The following RPH3AL variants were observed in gnomAD, a reference collection of about 807,000 sequenced individuals.
The protein encoded by RPH3AL is rabphilin 3A like (without C2 domains).
In RPH3AL, 38 loss-of-function variants were observed where a neutral mutation model predicts 43.1. The observed-to-expected ratio is 0.88, with a 90% CI of 0.68 to 1.15. RPH3AL has a LOEUF of 1.15. Ranked by LOEUF, RPH3AL falls within the 50% of genes most tolerant of loss-of-function variation. RPH3AL has a pLI of 0.00. For missense variants in RPH3AL, 462 were observed against 423.2 expected, an observed-to-expected ratio of 1.09 and a Z score of -0.81; for synonymous variants, 189 against 176.3, an observed-to-expected ratio of 1.07 and a Z score of -0.57.
At chr17:346,566 A>T (rs2045240734) in intron 1 of RPH3AL, among the ~76,000 whole-genome samples, 1 of 134,216 alleles carries the variant, frequency 7.5e-6, no homozygotes, top group African/African-American at 2.6e-5. Context: ...ACCCGCCCCC[A>T]TGATTCAATG....
intron 6 of RPH3AL, among the ~76,000 whole-genome samples, chr17:248,188 C>A (rs1402339885): frequency 1.3e-5 from 2 of 152,196 alleles, no homozygotes; most frequent in Admixed American, 1.3e-4. Context: ...AGGACAACAC[C>A]CTGATTCCTC....
In RPH3AL at chr17:328,156, C is replaced by A. The variant is rs890872510; in HGVS notation, c.-36-577G>T. ...CACCCAGCACCATGCCAAGGGGAGC[C>A]GTCCATAGACACTGCCATGAAAATG... On this transcript the variant is annotated intron_variant, in intron 2 of 9. Coordinates refer to ENST00000331302, the MANE Select transcript of RPH3AL (RefSeq NM_006987.4). This position sits in a 1 kb window ranked among gnomAD's most constrained non-coding sequence, Gnocchi z 4.2. Among the ~76,000 whole-genome samples the A allele has an allele frequency of 6.6e-6, 1 of 151,976 alleles. No homozygotes were observed. The highest frequency in any genetic ancestry group is 6.6e-5 in the Admixed American group (1 of 15,254).
intron 3 of RPH3AL, chr17:321,674 G>GTGGCAGCAGAGATGGCC: frequency 4.2e-6 from 2 of 472,582 alleles, no homozygotes; most frequent in Non-Finnish European, 7.5e-6. Flanking sequence ...CAGAGACGGG[G>GTGGCAGCAGAGATGGCC]CAGGTGCTGT....
At chr17:219,547 T>A in intron 8 of RPH3AL, 76 bp downstream of exon 8, 3 of 451,210 alleles carry the variant, frequency 6.6e-6, no homozygotes, top group Non-Finnish European at 1.2e-5. Context: ...TTTTTTGAGA[T>A]GGAGTTTCGC....
chr17:327,864 G>C (rs993888021), intron 2 of RPH3AL, among the ~76,000 whole-genome samples: 1 of 152,202 alleles, frequency 6.6e-6, no homozygotes, highest in Non-Finnish European at 1.5e-5. Flanking sequence ...TCAGAAAGGA[G>C]AGAGGAGGCT....
At chr17:237,340 G>C (rs918988402) in intron 7 of RPH3AL, among the ~76,000 whole-genome samples, 2 of 152,166 alleles carry the variant, frequency 1.3e-5, no homozygotes, top group African/African-American at 4.8e-5. Flanking sequence ...ACCTGTAAGG[G>C]AACCAGTGTG....
intron 1 of RPH3AL, among the ~76,000 whole-genome samples, chr17:334,684 G>C (rs2044897708): frequency 7.1e-6 from 1 of 141,686 alleles, no homozygotes; most frequent in Admixed American, 7.5e-5. Context: ...CCACTGTGGA[G>C]GGACAGGGAC....
intron 5 of RPH3AL, among the ~76,000 whole-genome samples, chr17:288,979 T>C (rs903110827): frequency 6.6e-6 from 1 of 152,178 alleles, no homozygotes; most frequent in Non-Finnish European, 1.5e-5. Context: ...AGTCCCTCCA[T>C]GTGCTTCTTT....
intron 5 of RPH3AL, among the ~76,000 whole-genome samples, chr17:303,565 G>T: frequency 1.2e-5 from 1 of 85,884 alleles, no homozygotes; most frequent in African/African-American, 4.4e-5. Context: ...AGGCTGTACT[G>T]AGGTTTTAAT....
chr17:234,430 C>G lies in RPH3AL; in HGVS notation c.613+12681G>C, dbSNP rs140732886. The G allele has an allele frequency of 2.4e-3, 404 of 165,744 alleles. 22 individuals carry two copies. The highest frequency in any genetic ancestry group is 4.0e-3 in the Non-Finnish European group (306 of 76,292). The allele number at this position is 165,744 out of a possible 1,614,324, so 10.3% of individuals were successfully genotyped here. ...CCAACTTCCCTGAGCAGGGAGGTAT[C>G]GGAAGCCCTTCTGACTTCCACAAAG... is the stretch of plus-strand genomic sequence containing the variant. On this transcript the variant is annotated intron_variant, in intron 7 of 9. Coordinates refer to ENST00000331302, the MANE Select transcript of RPH3AL (RefSeq NM_006987.4).
intron 3 of RPH3AL, 30 bp downstream of exon 3, chr17:327,437 G>A: frequency 6.3e-7 from 1 of 1,598,320 alleles, no homozygotes; most frequent in Non-Finnish European, 8.6e-7. Context: ...AGAAGGAAGG[G>A]ACGGCCTGGG....
rs1187904280 is a variant in RPH3AL, at chr17:219,641, T to G, written c.709A>C (p.Lys237Gln). ...STGVRDRKGD[K>Q]PWKESGGSVE... ...ACCTTACCTGACTCCTTCCAGGGTT[T>G]GTCGCCTTTCCGGTCCCTGACCCCA... The change falls in exon 8 of 10, where the codon AAA becomes CAA. Residue 237 changes from lysine to glutamine, a missense_variant. Lys to Gln is a moderately conservative substitution (Grantham distance 53). Transcript: ENST00000331302. 5.0e-6 allele frequency: 8 copies of G among 1,603,316 alleles called. No individual in the cohort carries two copies. Among genetic ancestry groups the G allele is most frequent in the Non-Finnish European group, 6.8e-6 (8 of 1,175,402 alleles).
At position 345,623 on chromosome 17, in the gene RPH3AL, G is replaced by A. The variant is rs376635943; in HGVS notation, c.-213+7089C>T. Among the ~76,000 whole-genome samples the A allele has an allele frequency of 2.5e-4, 33 of 132,226 alleles. 9 individuals carry two copies. Among genetic ancestry groups the A allele is most frequent in the Admixed American group, 5.0e-4 (7 of 13,874 alleles). 86.7% of individuals were successfully genotyped at this position (132,226 alleles called of 152,430 possible). On this transcript the variant is annotated intron_variant, in intron 1 of 9. Coordinates refer to ENST00000331302, the MANE Select transcript of RPH3AL (RefSeq NM_006987.4). The stretch of plus-strand genomic sequence containing the variant: ...GAGAAGTGGGTGCCTGCTGGGGCAC[G>A]CGTGCTCCCCATCTGCACGCACACC...
At chr17:263,171 G>A (rs185609042) in intron 6 of RPH3AL, among the ~76,000 whole-genome samples, 11 of 152,296 alleles carry the variant, frequency 7.2e-5, no homozygotes, top group Non-Finnish European at 1.5e-4. Context: ...GGAGGGAGGT[G>A]GGCATGGGGG....
intron 5 of RPH3AL, among the ~76,000 whole-genome samples, chr17:311,172 C>T (rs1012567286): frequency 6.6e-6 from 1 of 152,228 alleles, no homozygotes; most frequent in African/African-American, 2.4e-5. Context: ...GATCTCAGCT[C>T]TGCCCTCTGT....
At position 274,071 on chromosome 17, in the gene RPH3AL, A is replaced by G. The variant is rs1015394280; in HGVS notation, c.438+7697T>C. On this transcript the variant is annotated intron_variant, in intron 6 of 9. Transcript: ENST00000331302. This position sits in a 1 kb window ranked among gnomAD's most constrained non-coding sequence, Gnocchi z 4.7. The stretch of plus-strand genomic sequence containing the variant: ...ATTACAGCATCACTTTGAGTGAGTC[A>G]TTCTTCGTTTTCGTTTAGTGGATAG... Among the ~76,000 whole-genome samples, 1 of 152,232 alleles carries G rather than the reference A, an allele frequency of 6.6e-6. No individual in the cohort carries two copies. Among genetic ancestry groups the G allele is most frequent in the African/African-American group, 2.4e-5 (1 of 41,456 alleles).
chr17:215,664 C>G lies in RPH3AL; in HGVS notation c.866G>C (p.Arg289Pro). 1 of 1,277,064 alleles carries G rather than the reference C, an allele frequency of 7.8e-7. No individual in the cohort carries two copies. The highest frequency in any genetic ancestry group is 9.9e-7 in the Non-Finnish European group (1 of 1,006,764). The allele number at this position is 1,277,064 out of a possible 1,614,324, so 79.1% of individuals were successfully genotyped here. A position where few individuals can be genotyped will look rare whatever the true frequency, so the allele number is the denominator to read the frequency against. ...CAGTTGGGTACTCACCGGGGCCCTTCGGGTCAGCCCGGGGCGGGGTCCCCC... is the reference window on the plus strand; with the variant it reads ...CAGTTGGGTACTCACCGGGGCCCTTGGGGTCAGCCCGGGGCGGGGTCCCCC... Reference protein sequence around the residue: ...PPGGPRPGLTRRAPVKDTPGR... With the variant: ...PPGGPRPGLTPRAPVKDTPGR... Residue 289 changes from arginine (R) to proline (P), a missense_variant, in exon 9 of 10, where the codon CGA becomes CCA. Arg to Pro is a moderately radical substitution (Grantham distance 103). Transcript: ENST00000331302. The surrounding 1 kb of genome is among the most constrained non-coding windows in gnomAD (Gnocchi z 4.1).
At chr17:253,380 C>G (rs539433091) in intron 6 of RPH3AL, among the ~76,000 whole-genome samples, 6 of 152,280 alleles carry the variant, frequency 3.9e-5, no homozygotes, top group African/African-American at 1.4e-4. Flanking sequence ...GAGCTGCATT[C>G]CCGCACACTG....
intron 6 of RPH3AL, among the ~76,000 whole-genome samples, chr17:255,911 G>A (rs370928698): frequency 2.2e-5 from 1 of 45,754 alleles, no homozygotes; most frequent in Non-Finnish European, 5.0e-5. Flanking sequence ...TACTTCCTAT[G>A]AGGGGAGCCG....
Sources: gnomAD v4.1 joint callset for allele counts (sites outside exome capture counted in the v4.1 genomes callset) on GRCh38, gnomAD v4.1.1 for gene constraint, Gnocchi (gnomAD v3.1) non-coding constraint, MANE v1.5 for transcripts, NCBI Gene and HGNC (gene_info 2026-07-23, HGNC 2026-07-21) for gene names.